Variants in CDH12 observed in about 807,000 individuals in gnomAD.
CDH12 encodes cadherin 12, also known as cadherin-12.
In CDH12, 41 loss-of-function variants were observed where a neutral mutation model predicts 74.1. The ratio of observed to expected loss-of-function variants is 0.55; its 90% CI spans 0.43 to 0.72. The LOEUF (loss-of-function observed/expected upper bound fraction) is 0.72. Among genes scored for constraint, CDH12 ranks in the 30% least tolerant of loss-of-function variants. The pLI, the probability that CDH12 is intolerant of heterozygous loss-of-function variation, is 0.00. For missense variants in CDH12, 945 were observed against 977.2 expected, an observed-to-expected ratio of 0.97 and a Z score of 0.44; for synonymous variants, 399 against 355.0, an observed-to-expected ratio of 1.12 and a Z score of -1.39.
chr5:21,778,526 T>A (rs1745730835), intron 11 of CDH12, among the ~76,000 whole-genome samples: 1 of 150,546 alleles, frequency 6.6e-6, no homozygotes, highest in Admixed American at 6.6e-5. Flanking sequence ...TCTCTATTTT[T>A]TTTTTTTTTT....
At chr5:22,149,974 A>AC (rs1747460177) in intron 4 of CDH12, among the ~76,000 whole-genome samples, 2 of 152,200 alleles carry the variant, frequency 1.3e-5, no homozygotes, top group South Asian at 4.1e-4. Context: ...AGCCTGGGTG[A>AC]CAGAGCAAGT....
intron 3 of CDH12, among the ~76,000 whole-genome samples, chr5:22,365,984 A>T (rs1359797993): frequency 6.6e-6 from 1 of 152,086 alleles, no homozygotes; most frequent in African/African-American, 2.4e-5. Context: ...TTTGAGACTG[A>T]GTCTAGCTTT....
rs551702313 is a variant in CDH12 at position 22,837,638 on chromosome 5, C to G, written c.-523+15420G>C. ...CACATCATACTTTTCAATGTACATT[C>G]TGGATGAATTGAAGTGTTGAACATT... On this transcript the variant is annotated intron_variant, in intron 1 of 14. Coordinates refer to ENST00000382254, the MANE Select transcript of CDH12 (RefSeq NM_004061.5). 4.6e-5 allele frequency among the ~76,000 whole-genome samples: 7 copies of G among 152,128 alleles called. No homozygotes were observed. The South Asian group carries it at 1.2e-3, about 27-fold the overall frequency.
At chr5:22,610,091 T>C (rs1049235917) in intron 1 of CDH12, among the ~76,000 whole-genome samples, 3 of 152,246 alleles carry the variant, frequency 2.0e-5, no homozygotes, top group African/African-American at 4.8e-5. Context: ...CTAAGTTCTA[T>C]ACAAAATAAT....
intron 1 of CDH12, among the ~76,000 whole-genome samples, chr5:22,840,074 T>A (rs1737014470): frequency 6.6e-6 from 1 of 152,218 alleles, no homozygotes; most frequent in East Asian, 1.9e-4. Flanking sequence ...TTTCTTATTA[T>A]AAGCAAATAT....
chr5:22,366,050 T>A (rs899490949), intron 3 of CDH12, among the ~76,000 whole-genome samples: 30 of 152,030 alleles, frequency 2.0e-4, no homozygotes, highest in Non-Finnish European at 2.2e-4. Flanking sequence ...CCCCTGCCTC[T>A]CAGGTTCAAG....
At chr5:22,318,577 T>A (rs569007158) in intron 3 of CDH12, among the ~76,000 whole-genome samples, 1 of 152,334 alleles carries the variant, frequency 6.6e-6, no homozygotes, top group East Asian at 1.9e-4. Context: ...AAAAGTTTAA[T>A]GCATCTGGAA....
chr5:21,880,979 T>G lies in CDH12; in HGVS notation c.527-26189A>C, dbSNP rs114226706. On this transcript the variant is annotated intron_variant, in intron 6 of 14. Transcript: ENST00000382254. ...TCTAGTGACTGTCTCTAAAGTTATA[T>G]ATTTAATGCCAGGGCACTTCTTTAG... is the stretch of plus-strand genomic sequence containing the variant. Among the ~76,000 whole-genome samples, 454 of 152,162 alleles carry G rather than the reference T, an allele frequency of 3.0e-3. 3 individuals are homozygous for G. Among genetic ancestry groups the G allele is most frequent in the African/African-American group, 0.01 (429 of 41,526 alleles).
chr5:21,982,870 A>G (rs1561346996), intron 5 of CDH12, among the ~76,000 whole-genome samples: 1 of 151,410 alleles, frequency 6.6e-6, no homozygotes, highest in Non-Finnish European at 1.5e-5. Context: ...TTGCATATGG[A>G]TTTTTTTTCC....
intron 12 of CDH12, among the ~76,000 whole-genome samples, chr5:21,762,832 A>C (rs1226760290): frequency 6.6e-6 from 1 of 151,198 alleles, no homozygotes; most frequent in South Asian, 2.1e-4. Context: ...AATTGATCTG[A>C]AATCACTAAT....
chr5:22,718,841 A>G (rs1743724703), intron 1 of CDH12, among the ~76,000 whole-genome samples: 2 of 152,190 alleles, frequency 1.3e-5, no homozygotes. Context: ...TGGCCAAAAG[A>G]TGCTAAACCC....
chr5:21,897,132 A>G (rs1450341673), intron 6 of CDH12, among the ~76,000 whole-genome samples: 1 of 152,292 alleles, frequency 6.6e-6, no homozygotes, highest in Non-Finnish European at 1.5e-5. Context: ...GAGAAAGGGG[A>G]AAAAAAGGTT....
chr5:22,726,823 T>G (rs1744186591), intron 1 of CDH12, among the ~76,000 whole-genome samples: 1 of 151,824 alleles, frequency 6.6e-6, no homozygotes, highest in South Asian at 2.1e-4. Flanking sequence ...ATTATAGAAG[T>G]AATACAAACA....
intron 1 of CDH12, among the ~76,000 whole-genome samples, chr5:22,612,806 C>T (rs541060317): frequency 2.0e-5 from 3 of 152,156 alleles, no homozygotes; most frequent in African/African-American, 4.8e-5. Flanking sequence ...ACATTCATAG[C>T]CTTTTCTGGA....
chr5:22,066,600 G>T (rs1741579927), intron 5 of CDH12, among the ~76,000 whole-genome samples: 1 of 152,130 alleles, frequency 6.6e-6, no homozygotes, highest in South Asian at 2.1e-4. Flanking sequence ...TGTATACTCA[G>T]CAGCTGGAAG....
At chr5:22,244,066 T>C (rs961717655) in intron 3 of CDH12, among the ~76,000 whole-genome samples, 1 of 152,014 alleles carries the variant, frequency 6.6e-6, no homozygotes, top group Non-Finnish European at 1.5e-5. Flanking sequence ...TCCAAGGATC[T>C]AGGAATAAAG....
intron 3 of CDH12, among the ~76,000 whole-genome samples, chr5:22,265,714 C>T (rs1753679986): frequency 6.6e-6 from 1 of 152,088 alleles, no homozygotes; most frequent in South Asian, 2.1e-4. Flanking sequence ...GAAATTAACT[C>T]AAGTGGTGCC....
chr5:22,213,013 T>C (rs949440491), intron 3 of CDH12, among the ~76,000 whole-genome samples: 1 of 152,162 alleles, frequency 6.6e-6, no homozygotes, highest in African/African-American at 2.4e-5. Flanking sequence ...TCCTGCTGTT[T>C]TTCAAGGTGC....
At chr5:21,844,472 A>G (rs1378158264) in intron 7 of CDH12, among the ~76,000 whole-genome samples, 1 of 152,146 alleles carries the variant, frequency 6.6e-6, no homozygotes, top group Admixed American at 6.6e-5. Context: ...TTCAAACTAC[A>G]TATACAATCC....
Sources: gnomAD v4.1 joint callset for allele counts (sites outside exome capture counted in the v4.1 genomes callset) on GRCh38, gnomAD v4.1.1 for gene constraint, MANE v1.5 for transcripts, NCBI Gene and HGNC (gene_info 2026-07-23, HGNC 2026-07-21) for gene names.